NPR3: variants seen among roughly 807,000 people sequenced by gnomAD.
NPR3 encodes atrial natriuretic peptide receptor 3.
In NPR3, 34 loss-of-function variants were observed where a neutral mutation model predicts 54.5. The ratio of observed to expected loss-of-function variants is 0.62; its 90% CI spans 0.47 to 0.83. NPR3 has a LOEUF of 0.83. Among genes scored for constraint, NPR3 ranks in the 40% least tolerant of loss-of-function variants. NPR3 has a pLI of 0.00. For missense variants in NPR3, 674 were observed against 720.8 expected (o/e 0.94, Z 0.74); for synonymous variants, 289 against 297.1 (o/e 0.97, Z 0.28).
At chr5:32,744,153 T>G (rs1198338839) in intron 3 of NPR3, among the ~76,000 whole-genome samples, 1 of 151,958 alleles carries the variant, frequency 6.6e-6, no homozygotes, top group Non-Finnish European at 1.5e-5. Context: ...CCGCCACGCC[T>G]GGCTAATTTT....
intron 3 of NPR3, among the ~76,000 whole-genome samples, chr5:32,771,216 TG>T (rs1318711393): frequency 6.6e-6 from 1 of 152,196 alleles, no homozygotes; most frequent in Non-Finnish European, 1.5e-5. Flanking sequence ...TGAGGTCCTG[TG>T]GGGTAGGTGT....
intron 1 of NPR3, chr5:32,713,149 T>G: frequency 1.0e-6 from 1 of 985,064 alleles, no homozygotes; most frequent in Non-Finnish European, 1.2e-6. Flanking sequence ...TTCTGTGGTT[T>G]CCACCAAAAA....
intron 3 of NPR3, among the ~76,000 whole-genome samples, chr5:32,768,181 C>T (rs1009647203): frequency 6.6e-6 from 1 of 152,154 alleles, no homozygotes; most frequent in Non-Finnish European, 1.5e-5. Context: ...CCCGAGCAGT[C>T]TTGTGGGGGT....
At chr5:32,723,267 C>G (rs1283370691) in intron 1 of NPR3, among the ~76,000 whole-genome samples, 11 of 152,190 alleles carry the variant, frequency 7.2e-5, no homozygotes, top group Non-Finnish European at 1.6e-4. Flanking sequence ...AGACCTGGGT[C>G]TATCAACAGG....
Position 32,712,441 on chromosome 5 carries a change from A to G in NPR3, c.665A>G (p.Glu222Gly). The stretch of plus-strand genomic sequence containing the variant: ...TACTTCACCCTCGAGGGGGTCCACG[A>G]GGTCTTCCAGGAGGAGGGTTTGCAC... ...NCYFTLEGVH[E>G]VFQEEGLHTS... is the part of the protein sequence containing the mutation. The change falls in exon 1 of 8, where the codon GAG (glutamate) becomes GGG (glycine). Residue 222 changes from glutamate to glycine, a missense_variant. Physicochemically the swap from Glu to Gly is moderately conservative, Grantham distance 98 (BLOSUM62 -2). Transcript: ENST00000265074. 1.2e-6 allele frequency: 2 copies of G among 1,611,492 alleles called. No individual in the cohort carries two copies. Among genetic ancestry groups the G allele is most frequent in the African/African-American group, 1.3e-5 (1 of 75,046 alleles).
chr5:32,740,257 C>A (rs747682181), intron 3 of NPR3, among the ~76,000 whole-genome samples: 1 of 152,230 alleles, frequency 6.6e-6, no homozygotes, highest in Non-Finnish European at 1.5e-5. Context: ...GGAAAAATTG[C>A]TCAGTTTCCC....
At chr5:32,784,192 CTTTA>C (rs1371287835) in intron 6 of NPR3, among the ~76,000 whole-genome samples, 2 of 152,066 alleles carry the variant, frequency 1.3e-5, no homozygotes, top group Non-Finnish European at 2.9e-5. Context: ...TCTTCTTTGA[CTTTA>C]TTTATTTATT....
chr5:32,739,502 T>C (rs1739933404), intron 3 of NPR3, among the ~76,000 whole-genome samples: 1 of 152,212 alleles, frequency 6.6e-6, no homozygotes, highest in African/African-American at 2.4e-5. Flanking sequence ...TTCTGGCTAG[T>C]CTGCTTGTGG....
In NPR3 at chr5:32,711,899, ACGCCAGGAGAGAGAGGCGCTGC is replaced by A; in HGVS notation, c.129_150del (p.Gln43HisfsTer138). 1 of 1,474,326 alleles carries A rather than the reference ACGCCAGGAGAGAGAGGCGCTGC, an allele frequency of 6.8e-7. No individual in the cohort carries two copies. Among genetic ancestry groups the A allele is most frequent in the Non-Finnish European group, 9.0e-7 (1 of 1,113,500 alleles). 91.3% of individuals were successfully genotyped at this position (1,474,326 alleles called of 1,614,324 possible). ...GCGGTGGCGCGGGCATAGGCGGCGGACGCCAGGAGAGAGAGGCGCTGCCGCCACAGAAGATCGAGGTGCTGGT... is the reference window on the plus strand; with the variant it reads ...GCGGTGGCGCGGGCATAGGCGGCGGACGCCACAGAAGATCGAGGTGCTGGT... On this transcript the variant is annotated frameshift_variant, in exon 1 of 8. Coordinates refer to ENST00000265074, the MANE Select transcript of NPR3 (RefSeq NM_001204375.2). LOFTEE classifies it high-confidence loss of function.
At position 32,728,843 on chromosome 5, in the gene NPR3, A is replaced by ATATT. The variant is rs1482898665; in HGVS notation, c.892+4026_892+4027insTTAT. On this transcript the variant is annotated intron_variant, in intron 2 of 7. Transcript: ENST00000265074. ...TGTGTGTGTGTGTGTGTGTGTATAT[A>ATATT]TATATATATATATATATATATATAT... Among the ~76,000 whole-genome samples the ATATT allele has an allele frequency of 1.3e-4, 14 of 108,978 alleles. No individual in the cohort carries two copies. In the East Asian group the frequency reaches 2.4e-3, roughly 18 times the overall value. The allele number at this position is 108,978 out of a possible 152,430, so 71.5% of individuals were successfully genotyped here. A position where few individuals can be genotyped will look rare whatever the true frequency, so the allele number is the denominator to read the frequency against.
Position 32,691,030 on chromosome 5 carries a change from TA to T in NPR3, c.100+1846del, listed in dbSNP as rs561130782. On this transcript the variant is annotated intron_variant, in intron 1 of 5. Coordinates refer to the NPR3 transcript ENST00000509104. ...TGATAGGCAGTGAGACAGCTCACTG[TA>T]ACCATGCGAGCTCTCTTAGAGGAGA... Among the ~76,000 whole-genome samples, 130 of 152,358 alleles carry T rather than the reference TA, an allele frequency of 8.5e-4. 1 individual carries two copies. The highest frequency in any genetic ancestry group is 3.1e-3 in the African/African-American group (128 of 41,580).
chr5:32,708,011 AAAAAAC>A (rs201179715), upstream of NPR3, among the ~76,000 whole-genome samples: 5,396 of 150,712 alleles, frequency 0.036, 346 homozygotes, highest in African/African-American at 0.13. Context: ...AAAAAAAAAA[AAAAAAC>A]AACCCAAACA....
chr5:32,718,306 T>G (rs1738663052), intron 1 of NPR3, among the ~76,000 whole-genome samples: 1 of 152,254 alleles, frequency 6.6e-6, no homozygotes, highest in Admixed American at 6.5e-5. Flanking sequence ...ATGCTTAGGA[T>G]TGTCTTGGCA....
At chr5:32,692,230 TG>T (rs1342569915) in intron 1 of NPR3, among the ~76,000 whole-genome samples, 4 of 152,212 alleles carry the variant, frequency 2.6e-5, no homozygotes. Flanking sequence ...GAAGAAAATG[TG>T]TACACTTATA....
chr5:32,729,319 G>C (rs1052469182), intron 2 of NPR3, among the ~76,000 whole-genome samples: 1 of 152,078 alleles, frequency 6.6e-6, no homozygotes, highest in Non-Finnish European at 1.5e-5. Context: ...GTGAGCCACC[G>C]AGCCCGGCCT....
intron 4 of NPR3, among the ~76,000 whole-genome samples, chr5:32,778,968 G>A (rs1412221525): frequency 6.6e-6 from 1 of 152,190 alleles, no homozygotes; most frequent in Non-Finnish European, 1.5e-5. Context: ...AGGCTGTCAA[G>A]GATACACAAG....
intron 1 of NPR3, among the ~76,000 whole-genome samples, chr5:32,695,897 G>T (rs1021606511): frequency 1.3e-5 from 2 of 152,082 alleles, no homozygotes; most frequent in African/African-American, 4.8e-5. Context: ...AGAGTTGTTT[G>T]AGCTCCTTAT....
intron 3 of NPR3, among the ~76,000 whole-genome samples, chr5:32,763,734 T>C (rs1458350625): frequency 6.6e-6 from 1 of 152,214 alleles, no homozygotes; most frequent in Admixed American, 6.5e-5. Context: ...GATATTTTTC[T>C]TGAGTGTAGG....
chr5:32,755,158 C>A (rs1255223197), intron 3 of NPR3, among the ~76,000 whole-genome samples: 2 of 152,234 alleles, frequency 1.3e-5, no homozygotes, highest in Non-Finnish European at 2.9e-5. Flanking sequence ...CCGCGCCCGG[C>A]CAAGAGATTT....
Sources: gnomAD v4.1 joint callset for allele counts (sites outside exome capture counted in the v4.1 genomes callset) on GRCh38, gnomAD v4.1.1 for gene constraint, MANE v1.5 for transcripts, NCBI Gene and HGNC (gene_info 2026-07-23, HGNC 2026-07-21) for gene names.